CAST: variants seen among roughly 807,000 people sequenced by gnomAD.
The protein encoded by CAST is MIR583 host.
CAST carries 76 observed loss-of-function variants against 119.6 expected under a neutral mutation model. The observed-to-expected ratio is 0.64, with a 90% CI of 0.53 to 0.77. The LOEUF (loss-of-function observed/expected upper bound fraction) is 0.77. CAST is among the 30% of genes least tolerant of loss of function. The pLI, the probability that CAST is intolerant of heterozygous loss-of-function variation, is 0.00. For missense variants in CAST, 953 were observed against 946.5 expected, an observed-to-expected ratio of 1.01 and a Z score of -0.09; for synonymous variants, 319 against 331.6, an observed-to-expected ratio of 0.96 and a Z score of 0.41.
chr5:96,008,276 C>T, the CAST span, among the ~76,000 whole-genome samples: 1 of 152,170 alleles, frequency 6.6e-6, no homozygotes, highest in Non-Finnish European at 1.5e-5. Context: ...GTGAAATTCT[C>T]CTACTTCCTT....
chr5:96,143,822 CT>C, the CAST span, among the ~76,000 whole-genome samples: 65 of 152,082 alleles, frequency 4.3e-4, no homozygotes, highest in African/African-American at 1.6e-3. Flanking sequence ...TTTATAGAGC[CT>C]TTTTTTGGAT....
At chr5:96,418,772 A>G in the CAST span, among the ~76,000 whole-genome samples, 2 of 152,174 alleles carry the variant, frequency 1.3e-5, no homozygotes, top group Non-Finnish European at 2.9e-5. Flanking sequence ...AATGATAAGG[A>G]TGCCACCTTT....
chr5:96,117,121 C>G, the CAST span, among the ~76,000 whole-genome samples: 2 of 152,150 alleles, frequency 1.3e-5, no homozygotes, highest in African/African-American at 4.8e-5. Flanking sequence ...TTACTTGTGT[C>G]TTTAGAGAGC....
At chr5:96,565,394 C>T (rs766463462) in intron 1 of CAST, among the ~76,000 whole-genome samples, 3 of 151,944 alleles carry the variant, frequency 2.0e-5, no homozygotes, top group Non-Finnish European at 2.9e-5. Flanking sequence ...ATATATACAA[C>T]TAATATTTTC....
chr5:96,516,341 G>A, the CAST span, among the ~76,000 whole-genome samples: 7 of 151,534 alleles, frequency 4.6e-5, no homozygotes, highest in East Asian at 2.0e-4. Context: ...CCTGAATAAC[G>A]TGGTAAACTT....
the CAST span, among the ~76,000 whole-genome samples, chr5:96,297,169 G>T: frequency 6.6e-6 from 1 of 152,290 alleles, no homozygotes; most frequent in East Asian, 1.9e-4. Flanking sequence ...TGTCACTGAT[G>T]TGTAGCATTT....
the CAST span, among the ~76,000 whole-genome samples, chr5:96,445,998 C>T: frequency 6.6e-6 from 1 of 152,132 alleles, no homozygotes; most frequent in Non-Finnish European, 1.5e-5. Context: ...TAGGCATGTG[C>T]CACCACTCCT....
At chr5:96,004,200 A>G in the CAST span, among the ~76,000 whole-genome samples, 1 of 152,264 alleles carries the variant, frequency 6.6e-6, no homozygotes, top group Non-Finnish European at 1.5e-5. Flanking sequence ...GTGCAATCAT[A>G]TTACAAAAAT....
the CAST span, among the ~76,000 whole-genome samples, chr5:96,411,638 C>T: frequency 2.6e-5 from 4 of 152,182 alleles, no homozygotes; most frequent in Admixed American, 6.5e-5. Flanking sequence ...ATTTGAAAAG[C>T]ATTTCCGCGC....
the CAST span, among the ~76,000 whole-genome samples, chr5:96,130,998 C>G: frequency 6.6e-6 from 1 of 151,994 alleles, no homozygotes; most frequent in Non-Finnish European, 1.5e-5. Context: ...ATACATACAC[C>G]TTTATCTAGC....
chr5:96,425,982 A>G, the CAST span: 5 of 1,000,352 alleles, frequency 5.0e-6, no homozygotes, highest in East Asian at 1.2e-4. Flanking sequence ...CTACCTCTGT[A>G]TACTTCCTCT....
the CAST span, among the ~76,000 whole-genome samples, chr5:96,464,873 G>C: frequency 3.4e-4 from 51 of 152,150 alleles, no homozygotes; most frequent in African/African-American, 1.1e-3. Flanking sequence ...TGTTCTTTGG[G>C]AGTATTGTAG....
At chr5:96,663,217 A>C in intron 1 of CAST, 1 of 702,586 alleles carries the variant, frequency 1.4e-6, no homozygotes. Context: ...AGTGTGTTGG[A>C]AGGGAGTGTG....
chr5:96,654,709 C>CA lies in CAST; in HGVS notation c.61-20824dup, dbSNP rs150983812. ...TTGGAAAATGAAAAGTAAGAAAAAA[C>CA]AAAAAAGGGGCATCTGGATTTTCAA... On this transcript the variant is annotated intron_variant, in intron 1 of 11. Transcript: ENST00000505143. Among the ~76,000 whole-genome samples, 1,291 of 151,436 alleles carry CA rather than the reference C, an allele frequency of 8.5e-3. 21 individuals are homozygous for CA. The highest frequency in any genetic ancestry group is 0.03 in the African/African-American group (1,224 of 41,368).
chr5:96,298,117 T>C, the CAST span, among the ~76,000 whole-genome samples: 3 of 152,192 alleles, frequency 2.0e-5, no homozygotes, highest in Admixed American at 6.5e-5. Context: ...CTGATGACCC[T>C]AGGCCCACAG....
rs145412889 is a variant in CAST at position 96,696,470 on chromosome 5, T to C, written c.210+563T>C. 3.8e-3 allele frequency among the ~76,000 whole-genome samples: 580 copies of C among 152,160 alleles called. 2 individuals are homozygous for C. The highest frequency in any genetic ancestry group is 0.013 in the African/African-American group (558 of 41,512). ...ACAATGCTGGGTCTTATAAACTCCA[T>C]CTAAGCAATTTTTGGTAATATAACC... On this transcript the variant is annotated intron_variant, in intron 3 of 31. Coordinates refer to ENST00000675179, the MANE Select transcript of CAST (RefSeq NM_001750.7).
At chr5:96,340,696 C>T in the CAST span, among the ~76,000 whole-genome samples, 1 of 152,236 alleles carries the variant, frequency 6.6e-6, no homozygotes, top group Non-Finnish European at 1.5e-5. Context: ...CACACTGAAG[C>T]ATCACCCTTC....
chr5:96,450,503 G>A, the CAST span, among the ~76,000 whole-genome samples: 1 of 152,108 alleles, frequency 6.6e-6, no homozygotes, highest in African/African-American at 2.4e-5. Context: ...TACATTATTC[G>A]AGTGATGGAT....
chr5:96,019,204 A>G, the CAST span, among the ~76,000 whole-genome samples: 1 of 152,212 alleles, frequency 6.6e-6, no homozygotes, highest in African/African-American at 2.4e-5. Context: ...CAGGAGGATC[A>G]CAGTTACCCA....
Sources: gnomAD v4.1 joint callset for allele counts (sites outside exome capture counted in the v4.1 genomes callset) on GRCh38, gnomAD v4.1.1 for gene constraint, MANE v1.5 for transcripts, NCBI Gene and HGNC (gene_info 2026-07-23, HGNC 2026-07-21) for gene names.